MICAL2: variants seen among roughly 807,000 people sequenced by gnomAD.
The protein encoded by MICAL2 is microtubule associated monooxygenase, calponin and LIM domain containing 2, also known as [F-actin]-monooxygenase MICAL2.
Under a neutral mutation model 127.3 loss-of-function variants are expected in MICAL2, and 77 were observed. The ratio of observed to expected loss-of-function variants is 0.60; its 90% CI spans 0.50 to 0.73. MICAL2 has a LOEUF of 0.73. Ranked by LOEUF, MICAL2 falls within the 30% of genes least tolerant of loss-of-function variation. The probability of loss-of-function intolerance (pLI) is 0.00; values close to 1 mark genes in which losing one functional copy is unlikely to be tolerated. For missense variants in MICAL2, 1,351 were observed against 1,434.4 expected (o/e 0.94, Z 0.94); for synonymous variants, 570 against 551.1 (o/e 1.03, Z -0.48).
intron 3 of MICAL2, among the ~76,000 whole-genome samples, chr11:12,185,190 T>G (rs1858058387): frequency 4.4e-4 from 3 of 6,772 alleles, no homozygotes; most frequent in African/African-American, 5.8e-4. Context: ...GATGGATGGA[T>G]GGGTGGGGGG....
chr11:12,160,510 T>C (rs375633495), intron 2 of MICAL2, among the ~76,000 whole-genome samples: 154 of 152,266 alleles, frequency 1.0e-3, no homozygotes, highest in African/African-American at 3.7e-3. Flanking sequence ...TCCTCACGAA[T>C]CCTGAACCTT....
intron 3 of MICAL2, among the ~76,000 whole-genome samples, chr11:12,187,632 G>A (rs1050108400): frequency 5.3e-5 from 8 of 152,250 alleles, no homozygotes; most frequent in African/African-American, 1.7e-4. Context: ...TGTTGTAGCG[G>A]TTCCTTGGGC....
chr11:12,166,465 ATCAT>A (rs1188719269), intron 3 of MICAL2, among the ~76,000 whole-genome samples: 2 of 152,190 alleles, frequency 1.3e-5, no homozygotes, highest in Non-Finnish European at 2.9e-5. Context: ...ACTTTAATTA[ATCAT>A]TCATCAGGTG....
chr11:12,235,855 C>A (rs943706664), intron 15 of MICAL2, among the ~76,000 whole-genome samples: 1 of 152,208 alleles, frequency 6.6e-6, no homozygotes, highest in African/African-American at 2.4e-5. Context: ...TCATCCCTGC[C>A]CTGCCTATGT....
chr11:12,312,668 A>C (rs915291134), intron 29 of MICAL2, among the ~76,000 whole-genome samples: 1 of 152,214 alleles, frequency 6.6e-6, no homozygotes, highest in African/African-American at 2.4e-5. Context: ...CCAAAGATAG[A>C]GGGAAACTGT....
intron 30 of MICAL2, among the ~76,000 whole-genome samples, chr11:12,321,839 C>T (rs1216721281): frequency 3.3e-5 from 5 of 152,092 alleles, no homozygotes; most frequent in Admixed American, 6.5e-5. Flanking sequence ...CCCCACCTTT[C>T]GCCTGGGAAT....
intron 13 of MICAL2, among the ~76,000 whole-genome samples, chr11:12,225,235 T>C (rs980369182): frequency 6.6e-6 from 1 of 152,240 alleles, no homozygotes; most frequent in African/African-American, 2.4e-5. Context: ...CTGTGTGTCC[T>C]TGGGCAAGCC....
intron 22 of MICAL2, among the ~76,000 whole-genome samples, chr11:12,252,019 C>A (rs7946327): frequency 0.58 from 88,253 of 152,006 alleles, 25,772 homozygotes; most frequent in Middle Eastern, 0.7. Context: ...CCGTGGAGCC[C>A]GTTCACACAC....
chr11:12,328,611 TG>T (rs1864380891), intron 32 of MICAL2, among the ~76,000 whole-genome samples: 1 of 152,132 alleles, frequency 6.6e-6, no homozygotes, highest in African/African-American at 2.4e-5. Flanking sequence ...GCTCATGAAT[TG>T]GGGGGCCCTA....
chr11:12,190,768 TG>T (rs1858990466), intron 3 of MICAL2, among the ~76,000 whole-genome samples: 1 of 152,244 alleles, frequency 6.6e-6, no homozygotes, highest in Non-Finnish European at 1.5e-5. Context: ...TGAACAGATT[TG>T]GGTTTGAAAC....
At chr11:12,160,456 A>AG (rs1854648983) in intron 2 of MICAL2, among the ~76,000 whole-genome samples, 1 of 152,058 alleles carries the variant, frequency 6.6e-6, no homozygotes, top group South Asian at 2.1e-4. Flanking sequence ...CTTGGCCTGG[A>AG]GGGGACACCT....
intron 32 of MICAL2, among the ~76,000 whole-genome samples, chr11:12,346,380 G>A (rs960682712): frequency 6.6e-6 from 1 of 152,240 alleles, no homozygotes; most frequent in African/African-American, 2.4e-5. Context: ...AGAAACTGAG[G>A]CTTAGGAAGT....
intron 3 of MICAL2, among the ~76,000 whole-genome samples, chr11:12,186,993 T>G (rs1858384936): frequency 6.6e-6 from 1 of 152,200 alleles, no homozygotes; most frequent in South Asian, 2.1e-4. Flanking sequence ...AATTCTTGAG[T>G]GTAGTCCCTG....
chr11:12,177,584 T>A (rs1590201138), intron 3 of MICAL2, among the ~76,000 whole-genome samples: 1 of 152,242 alleles, frequency 6.6e-6, no homozygotes, highest in East Asian at 1.9e-4. Context: ...ATTACTGTCA[T>A]GAAGCTTTTG....
chr11:12,251,670 T>C (rs1463396213), intron 22 of MICAL2, among the ~76,000 whole-genome samples: 1 of 148,670 alleles, frequency 6.7e-6, no homozygotes, highest in East Asian at 2.0e-4. Context: ...TTGGACCTAA[T>C]GAAAGGTGGG....
chr11:12,145,754 T>A (rs896888185), intron 2 of MICAL2, among the ~76,000 whole-genome samples: 20 of 152,232 alleles, frequency 1.3e-4, no homozygotes, highest in Non-Finnish European at 2.8e-4. Flanking sequence ...AAAGGCTGAA[T>A]GCAGTGTATA....
At chr11:12,260,366 G>T in intron 26 of MICAL2, 1 of 1,300,942 alleles carries the variant, frequency 7.7e-7, no homozygotes, top group South Asian at 2.7e-5. Context: ...CTAGGGCCAG[G>T]GATGATATGA....
At chr11:12,259,426 T>C (rs577428343) in intron 25 of MICAL2, among the ~76,000 whole-genome samples, 5 of 152,358 alleles carry the variant, frequency 3.3e-5, no homozygotes, top group African/African-American at 1.2e-4. Flanking sequence ...ATAATTTACT[T>C]CACCACTTCT....
chr11:12,116,125 C>T (rs796793058), intron 1 of MICAL2, among the ~76,000 whole-genome samples: 30 of 134,990 alleles, frequency 2.2e-4, no homozygotes, highest in African/African-American at 8.0e-4. Flanking sequence ...TACAGGCATC[C>T]GCCACCATGC....
Sources: gnomAD v4.1 joint callset for allele counts (sites outside exome capture counted in the v4.1 genomes callset) on GRCh38, gnomAD v4.1.1 for gene constraint, MANE v1.5 for transcripts, NCBI Gene and HGNC (gene_info 2026-07-23, HGNC 2026-07-21) for gene names.